The following DCDC2 variants were observed in gnomAD, a reference collection of about 807,000 sequenced individuals.
DCDC2 encodes doublecortin domain containing 2, also known as doublecortin domain-containing protein 2.
DCDC2 carries 40 observed loss-of-function variants against 50.2 expected under a neutral mutation model. The observed-to-expected ratio is 0.80, with a 90% CI of 0.62 to 1.04. The LOEUF (loss-of-function observed/expected upper bound fraction) is 1.04. Among genes scored for constraint, DCDC2 ranks in the 50% least tolerant of loss-of-function variants. The probability of loss-of-function intolerance (pLI) is 0.00; values close to 1 mark genes in which losing one functional copy is unlikely to be tolerated. For missense variants in DCDC2, 570 were observed against 581.9 expected (o/e 0.98, Z 0.21); for synonymous variants, 234 against 210.6 (o/e 1.11, Z -0.96).
chr6:24,359,505 T>TA (rs1760618728), upstream of DCDC2, among the ~76,000 whole-genome samples: 1 of 100,794 alleles, frequency 9.9e-6, no homozygotes, highest in African/African-American at 4.0e-5. Flanking sequence ...TATATATATT[T>TA]TATATATTAT....
At chr6:24,250,584 CATT>C (rs1437156749) in intron 7 of DCDC2, among the ~76,000 whole-genome samples, 2 of 152,104 alleles carry the variant, frequency 1.3e-5, no homozygotes, top group Non-Finnish European at 2.9e-5. Context: ...CTGATGGTAA[CATT>C]ATAATATACA....
rs554020382 is a variant in DCDC2, at chr6:24,349,018, A to G, written c.348+4551T>C. On this transcript the variant is annotated intron_variant, in intron 2 of 9. Transcript: ENST00000378454. ...AAACAGATTTGTACTCTAAATATCT[A>G]TTTAAGAATGTCATTAATTCCACCT... Among the ~76,000 whole-genome samples the G allele has an allele frequency of 7.0e-4, 106 of 152,214 alleles. 1 individual carries two copies. The highest frequency in any genetic ancestry group is 1.2e-3 in the Non-Finnish European group (81 of 68,034).
chr6:24,242,384 C>T (rs1407231874), intron 7 of DCDC2, among the ~76,000 whole-genome samples: 2 of 152,118 alleles, frequency 1.3e-5, no homozygotes, highest in African/African-American at 2.4e-5. Flanking sequence ...CACGCCTGCT[C>T]ATGCCTCCAG....
intron 7 of DCDC2, among the ~76,000 whole-genome samples, chr6:24,259,647 C>T (rs897054407): frequency 2.6e-5 from 4 of 152,154 alleles, no homozygotes; most frequent in Admixed American, 6.5e-5. Context: ...GTTTAAAATG[C>T]ATTAGAGATT....
At chr6:24,287,848 T>G (rs1443182568) in intron 6 of DCDC2, among the ~76,000 whole-genome samples, 3 of 152,246 alleles carry the variant, frequency 2.0e-5, no homozygotes, top group Non-Finnish European at 4.4e-5. Context: ...GTTTGTTGCC[T>G]TTTTAAGCTA....
At chr6:24,362,847 GAAC>G (rs1315568192), upstream of DCDC2, among the ~76,000 whole-genome samples, 1 of 152,132 alleles carries the variant, frequency 6.6e-6, no homozygotes, top group Non-Finnish European at 1.5e-5. Flanking sequence ...TGTGGCAGAG[GAAC>G]AACAAAAACA....
intron 2 of DCDC2, among the ~76,000 whole-genome samples, chr6:24,323,699 T>C (rs1359190262): frequency 1.3e-5 from 2 of 152,080 alleles, no homozygotes; most frequent in Admixed American, 1.3e-4. Context: ...AGCACAAGTA[T>C]GTACTTACAG....
At chr6:24,286,152 C>T (rs988135883) in intron 6 of DCDC2, among the ~76,000 whole-genome samples, 8 of 152,076 alleles carry the variant, frequency 5.3e-5, no homozygotes, top group Non-Finnish European at 1.2e-4. Flanking sequence ...TAATTCTCAC[C>T]GCACCATCTT....
chr6:24,214,698 T>C (rs1472923943), intron 7 of DCDC2, among the ~76,000 whole-genome samples: 2 of 152,220 alleles, frequency 1.3e-5, no homozygotes, highest in Non-Finnish European at 2.9e-5. Flanking sequence ...GAATTGTTCC[T>C]TTTTCCACCC....
chr6:24,310,033 T>C (rs947596592), intron 2 of DCDC2, among the ~76,000 whole-genome samples: 2 of 152,142 alleles, frequency 1.3e-5, no homozygotes, highest in African/African-American at 2.4e-5. Context: ...GAAAAAGATA[T>C]ACCAGATAAA....
intron 7 of DCDC2, among the ~76,000 whole-genome samples, chr6:24,220,000 T>C (rs1423285791): frequency 2.6e-5 from 4 of 152,200 alleles, no homozygotes; most frequent in Non-Finnish European, 5.9e-5. Flanking sequence ...TCCTGTTCTT[T>C]CTTAATTATA....
At chr6:24,274,418 G>A (rs2113816314) in intron 7 of DCDC2, among the ~76,000 whole-genome samples, 1 of 152,144 alleles carries the variant, frequency 6.6e-6, no homozygotes, top group South Asian at 2.1e-4. Context: ...AAAAACATGT[G>A]CTGGCCAGTT....
chr6:24,350,565 G>T (rs1221362781), intron 2 of DCDC2, among the ~76,000 whole-genome samples: 1 of 152,080 alleles, frequency 6.6e-6, no homozygotes, highest in Non-Finnish European at 1.5e-5. Flanking sequence ...AATTACCTTA[G>T]ATTTGAAGGA....
At chr6:24,210,019 GGTGTGTGT>G (rs71002475) in intron 7 of DCDC2, among the ~76,000 whole-genome samples, 5,716 of 144,928 alleles carry the variant, frequency 0.039, 140 homozygotes, top group Non-Finnish European at 0.059. Context: ...GCAGTATCAG[GGTGTGTGT>G]GTGTGTGTGT....
the DCDC2 span, among the ~76,000 whole-genome samples, chr6:24,378,275 C>G: frequency 6.6e-6 from 1 of 152,152 alleles, no homozygotes; most frequent in African/African-American, 2.4e-5. Context: ...TGTGTTTCCC[C>G]TCCCGCTTCT....
intron 2 of DCDC2, among the ~76,000 whole-genome samples, chr6:24,334,743 G>C (rs1469860166): frequency 6.6e-6 from 1 of 152,200 alleles, no homozygotes; most frequent in Non-Finnish European, 1.5e-5. Context: ...ACGAGGCCTT[G>C]AGAAACACAC....
intron 7 of DCDC2, among the ~76,000 whole-genome samples, chr6:24,271,043 G>A (rs1763225485): frequency 1.3e-5 from 2 of 151,794 alleles, no homozygotes; most frequent in Admixed American, 6.6e-5. Flanking sequence ...GCAACATGGT[G>A]AAACCCCGTC....
the DCDC2 span, among the ~76,000 whole-genome samples, chr6:24,368,147 T>A: frequency 6.6e-6 from 1 of 151,470 alleles, no homozygotes; most frequent in Non-Finnish European, 1.5e-5. Flanking sequence ...AAGAAAAAAA[T>A]AACAAATAAG....
chr6:24,247,621 C>T (rs1762707489), intron 7 of DCDC2, among the ~76,000 whole-genome samples: 1 of 152,144 alleles, frequency 6.6e-6, no homozygotes, highest in South Asian at 2.1e-4. Flanking sequence ...CAGATATATG[C>T]CGAGCTCCTT....
Sources: gnomAD v4.1 joint callset for allele counts (sites outside exome capture counted in the v4.1 genomes callset) on GRCh38, gnomAD v4.1.1 for gene constraint, MANE v1.5 for transcripts, NCBI Gene and HGNC (gene_info 2026-07-23, HGNC 2026-07-21) for gene names.